The following LY9 variants were observed in gnomAD, a reference collection of about 807,000 sequenced individuals.
LY9 encodes lymphocyte antigen 9, also known as T-lymphocyte surface antigen Ly-9.
Under a neutral mutation model 64.6 loss-of-function variants are expected in LY9, and 59 were observed. The observed-to-expected ratio is 0.91, with a 90% CI of 0.74 to 1.13. LY9 has a LOEUF of 1.13. Ranked by LOEUF, LY9 falls within the 50% of genes most tolerant of loss-of-function variation. The pLI is 0.00. For missense variants in LY9, 789 were observed against 797.2 expected, an observed-to-expected ratio of 0.99 and a Z score of 0.12; for synonymous variants, 281 against 308.5, an observed-to-expected ratio of 0.91 and a Z score of 0.93.
chr1:160,819,333 C>G lies in LY9; in HGVS notation c.1457C>G (p.Ala486Gly). 6.2e-7 allele frequency: 1 copy of G among 1,613,602 alleles called. No homozygotes were observed. Among genetic ancestry groups the G allele is most frequent in the South Asian group, 1.1e-5 (1 of 91,078 alleles). ...CTTTGTTTCTCAGGTTCAGTCCCAG[C>G]CTTCTGTTCCAGCCAAGCTGAGGCC... ...WKRKGRCSVP[A>G]FCSSQAEAPA... Residue 486 changes from alanine to glycine, a missense_variant, in exon 7 of 10, where the codon GCC becomes GGC. Coordinates refer to ENST00000263285, the MANE Select transcript of LY9 (RefSeq NM_002348.4).
chr1:160,805,074 G>A (rs184295121), intron 2 of LY9, among the ~76,000 whole-genome samples: 1 of 151,810 alleles, frequency 6.6e-6, no homozygotes, highest in African/African-American at 2.4e-5. Context: ...TTGATTCTTT[G>A]CATTTTTTTA....
At chr1:160,816,370 T>C (rs1667944976) in intron 4 of LY9, among the ~76,000 whole-genome samples, 1 of 152,192 alleles carries the variant, frequency 6.6e-6, no homozygotes, top group Admixed American at 6.5e-5. Context: ...TTTCATCATT[T>C]CCCTTGTTTC....
In LY9 at chr1:160,817,757, T is replaced by A. The variant is rs185684420; in HGVS notation, c.1343-461T>A. 3.7e-3 allele frequency among the ~76,000 whole-genome samples: 565 copies of A among 152,296 alleles called. 1 individual carries two copies. Among genetic ancestry groups the A allele is most frequent in the African/African-American group, 0.013 (536 of 41,542 alleles). ...TAAAAGCTGGTTTCGAACCCTGAGC[T>A]CTATCTTCTGCTCTTCCGTAGAAGG... On this transcript the variant is annotated intron_variant, in intron 5 of 9. Transcript: ENST00000263285.
At chr1:160,816,414 T>C (rs907997217) in intron 4 of LY9, among the ~76,000 whole-genome samples, 180 bp from the exon 5 acceptor site, 29 of 152,222 alleles carry the variant, frequency 1.9e-4, no homozygotes, top group Admixed American at 2.6e-4. Context: ...GAGGTGTGTC[T>C]GAGATGTCAC....
At chr1:160,816,110 C>A (rs1211530840) in intron 4 of LY9, among the ~76,000 whole-genome samples, 2 of 152,152 alleles carry the variant, frequency 1.3e-5, no homozygotes, top group Admixed American at 1.3e-4. Context: ...AAACAGGAAA[C>A]AAATAGAGTC....
In LY9 at chr1:160,814,735, T is replaced by C; in HGVS notation, c.1046T>C (p.Met349Thr). 6 of 1,613,850 alleles carry C rather than the reference T, an allele frequency of 3.7e-6. No individual in the cohort carries two copies. Among genetic ancestry groups the C allele is most frequent in the Non-Finnish European group, 5.1e-6 (6 of 1,179,862 alleles). Residue 349 changes from methionine to threonine, a missense_variant, in exon 4 of 10, where the codon ATG becomes ACG. Transcript: ENST00000263285. ...TCAGAGGCCTCCAGCGTCACCAGCATGACACATGTCACCCTGCTCATCTAC... is the reference window on the plus strand; with the variant it reads ...TCAGAGGCCTCCAGCGTCACCAGCACGACACATGTCACCCTGCTCATCTAC... The part of the protein sequence containing the change: ...VCSEASSVTS[M>T]THVTLLIYRR...
At chr1:160,817,390 C>G (rs1668041229) in intron 5 of LY9, among the ~76,000 whole-genome samples, 1 of 152,100 alleles carries the variant, frequency 6.6e-6, no homozygotes, top group East Asian at 1.9e-4. Flanking sequence ...ATAAAAGAAG[C>G]AATTTGGTGT....
chr1:160,799,248 C>A, intron 1 of LY9: 1 of 156,556 alleles, frequency 6.4e-6, no homozygotes, highest in South Asian at 1.9e-4. Flanking sequence ...GGCCTACTAC[C>A]TAGATTCTAA....
At chr1:160,817,206 G>C (rs1668028067) in intron 5 of LY9, among the ~76,000 whole-genome samples, 1 of 152,110 alleles carries the variant, frequency 6.6e-6, no homozygotes, top group Admixed American at 6.5e-5. Context: ...TTTACACTTA[G>C]AGCACGTCTC....
chr1:160,797,542 A>T (rs1666007544), intron 1 of LY9, among the ~76,000 whole-genome samples: 1 of 152,224 alleles, frequency 6.6e-6, no homozygotes, highest in South Asian at 2.1e-4. Context: ...AGGTCATCCA[A>T]GCCGCAAATG....
At chr1:160,821,681 T>C (rs925793979) in intron 7 of LY9, among the ~76,000 whole-genome samples, 7 of 152,212 alleles carry the variant, frequency 4.6e-5, no homozygotes, top group African/African-American at 1.4e-4. Flanking sequence ...TGGTCAAGTG[T>C]ATGGGTTCTG....
At chr1:160,819,483 G>C (rs1668212669) in intron 7 of LY9, 109 bp downstream of exon 7, 2 of 994,896 alleles carry the variant, frequency 2.0e-6, no homozygotes, top group African/African-American at 3.2e-5. Context: ...CATCACCCAG[G>C]AAACTTGTTA....
chr1:160,826,921 G>A (rs1668882357), intron 9 of LY9, among the ~76,000 whole-genome samples: 1 of 152,166 alleles, frequency 6.6e-6, no homozygotes, highest in South Asian at 2.1e-4. Context: ...GTCAGTCCCT[G>A]CTCTGAGTTT....
At chr1:160,818,870 C>A (rs1227502850) in intron 6 of LY9, among the ~76,000 whole-genome samples, 2 of 152,120 alleles carry the variant, frequency 1.3e-5, no homozygotes, top group African/African-American at 4.8e-5. Context: ...TCTGATTGGC[C>A]CAAGTTAAGG....
chr1:160,816,534 A>C lies in LY9; in HGVS notation c.1073-60A>C, dbSNP rs911778993. ...ATGAATATATTTTCAATGAATGAAG[A>C]CAGGTGACTGCTCAGGGGGCAGGCC... On this transcript the variant is annotated intron_variant, in intron 4 of 9. Transcript: ENST00000263285. 6.0e-6 allele frequency: 9 copies of C among 1,507,194 alleles called. No homozygotes were observed. In the African/African-American group the frequency reaches 1.1e-4, roughly 19 times the overall value. 93.4% of individuals were successfully genotyped at this position (1,507,194 alleles called of 1,614,324 possible).
Position 160,814,751 on chromosome 1 carries a change from G to C in LY9, c.1062G>C (p.Leu354=), listed in dbSNP as rs771884296. The C allele has an allele frequency of 2.5e-6, 4 of 1,612,522 alleles. No individual in the cohort carries two copies. Among genetic ancestry groups the C allele is most frequent in the Non-Finnish European group, 8.5e-7 (1 of 1,179,186 alleles). ...TCACCAGCATGACACATGTCACCCT[G>C]CTCATCTACCGTGAGTCTCTGGGCA... ...SSVTSMTHVT[L]LIYRRLRKPK... is the part of the protein sequence containing the mutation. The change falls in exon 4 of 10, where the codon CTG becomes CTC. Residue 354 remains leucine, a synonymous_variant. Coordinates refer to ENST00000263285, the MANE Select transcript of LY9 (RefSeq NM_002348.4).
intron 4 of LY9, 121 bp from the exon 5 acceptor site, chr1:160,816,472 TG>T: frequency 8.7e-7 from 1 of 1,146,594 alleles, no homozygotes; most frequent in Non-Finnish European, 1.2e-6. Flanking sequence ...CTGTGGCTCC[TG>T]GAGGCACTTT....
intron 2 of LY9, among the ~76,000 whole-genome samples, chr1:160,803,100 G>A (rs1163283301): frequency 1.3e-5 from 2 of 152,026 alleles, no homozygotes; most frequent in Non-Finnish European, 2.9e-5. Context: ...TGGCTAACAT[G>A]GTGAAACCCC....
At position 160,814,652 on chromosome 1, in the gene LY9, C is replaced by T. The variant is rs774406166; in HGVS notation, c.963C>T (p.Ser321=). The change falls in exon 4 of 10, where the codon TCC becomes TCT. Residue 321 remains serine (S), a synonymous_variant. Transcript: ENST00000263285. ...NRVWVSSQDC[S]LKISQLKIED... ...TGTGGGTCTCCAGCCAGGACTGCTC[C>T]CTGAAGATCAGCCAGCTGAAGATAG... The T allele has an allele frequency of 5.6e-6, 9 of 1,613,880 alleles. No individual in the cohort carries two copies. In the East Asian group the frequency reaches 1.6e-4, roughly 28 times the overall value.
Sources: gnomAD v4.1 joint callset for allele counts (sites outside exome capture counted in the v4.1 genomes callset) on GRCh38, gnomAD v4.1.1 for gene constraint, MANE v1.5 for transcripts, NCBI Gene and HGNC (gene_info 2026-07-23, HGNC 2026-07-21) for gene names.